Variants in ARID5B observed in about 807,000 individuals in gnomAD.
ARID5B encodes the protein AT-rich interaction domain 5B.
A neutral mutation model predicts 97.2 loss-of-function variants in ARID5B; 13 were observed. The ratio of observed to expected loss-of-function variants is 0.13; its 90% confidence interval spans 0.09 to 0.21. The LOEUF (loss-of-function observed/expected upper bound fraction) is 0.21. Among genes scored for constraint, ARID5B ranks in the 10% least tolerant of loss-of-function variants. ARID5B has a pLI of 1.00. For synonymous variants in ARID5B, 556 were observed against 570.3 expected (o/e 0.97, Z 0.36); for missense variants, 1,210 against 1,465.3 (o/e 0.83, Z 2.84).
At chr10:61,938,926 A>C (rs1002317552) in intron 2 of ARID5B, among the ~76,000 whole-genome samples, 1 of 148,376 alleles carries the variant, frequency 6.7e-6, no homozygotes, top group Non-Finnish European at 1.5e-5. Context: ...TATTATGTGA[A>C]GCTTACCCTA....
chr10:62,095,386 G>A lies in ARID5B; in HGVS notation c.*2356G>A, dbSNP rs766187181. On this transcript the variant is annotated 3_prime_UTR_variant, in exon 10 of 10. Coordinates refer to ENST00000279873, the MANE Select transcript of ARID5B (RefSeq NM_032199.3). Reference sequence around the variant, plus strand: ...GTTCGTGTCTCAAAAAAAAAAGGAGGGGGGGCATCTGTCCCCGGTGGAGCT... The same window carrying A: ...GTTCGTGTCTCAAAAAAAAAAGGAGAGGGGGCATCTGTCCCCGGTGGAGCT... 1.7e-5 allele frequency: 4 copies of A among 232,968 alleles called. No homozygotes were observed. In the East Asian group the frequency reaches 1.8e-4, roughly 11 times the overall value. The allele number at this position is 232,968 out of a possible 1,614,324, so 14.4% of individuals were successfully genotyped here.
intron 2 of ARID5B, among the ~76,000 whole-genome samples, chr10:61,917,247 G>T (rs1168672423): frequency 6.6e-6 from 1 of 151,968 alleles, no homozygotes; most frequent in East Asian, 1.9e-4. Context: ...GTCAGTCTGA[G>T]ATATTGACAA....
At position 62,038,371 on chromosome 10, in the gene ARID5B, A is replaced by T. The variant is rs183655042; in HGVS notation, c.734-12517A>T. Among the ~76,000 whole-genome samples, 1,315 of 142,096 alleles carry T rather than the reference A, an allele frequency of 9.3e-3. 21 individuals are homozygous for T. Among genetic ancestry groups the T allele is most frequent in the African/African-American group, 0.032 (1,252 of 39,370 alleles). 93.2% of individuals were successfully genotyped at this position (142,096 alleles called of 152,430 possible). A position where few individuals can be genotyped will look rare whatever the true frequency, so the allele number is the denominator to read the frequency against. ...GTCAGAAACAAACTGTTCCTTATTT[A>T]AAAAAAAAAAAAGAAAAGAAAAAAA... On this transcript the variant is annotated intron_variant, in intron 4 of 9. Coordinates refer to ENST00000279873, the MANE Select transcript of ARID5B (RefSeq NM_032199.3).
At chr10:62,028,478 G>A (rs576897941) in intron 4 of ARID5B, among the ~76,000 whole-genome samples, 71 of 152,252 alleles carry the variant, frequency 4.7e-4, no homozygotes, top group African/African-American at 1.6e-3. Flanking sequence ...GGCAGGGGAC[G>A]CAGCAACAAG....
chr10:62,091,359 G>T lies in ARID5B; in HGVS notation c.1896G>T (p.Gln632His). 2 of 1,614,180 alleles carry T rather than the reference G, an allele frequency of 1.2e-6. No individual in the cohort carries two copies. The highest frequency in any genetic ancestry group is 2.2e-5 in the South Asian group (2 of 91,080). ...CCAACTGCACCGTGAAGGTGGACCA[G>T]CTGGGCAGTGACGACATCCACAATG... Reference protein sequence around the residue: ...YIANCTVKVDQLGSDDIHNAL... With the variant: ...YIANCTVKVDHLGSDDIHNAL... Residue 632 changes from glutamine to histidine, a missense_variant, in exon 10 of 10, where the codon CAG becomes CAT. Physicochemically the swap from Gln to His is conservative, Grantham distance 24. This residue lies in a region of ARID5B where 800 missense variants were observed against 839.1 expected (regional missense o/e 0.95). Coordinates refer to ENST00000279873, the MANE Select transcript of ARID5B (RefSeq NM_032199.3).
chr10:62,009,284 ACT>A (rs1352801796), intron 4 of ARID5B, among the ~76,000 whole-genome samples: 7 of 152,192 alleles, frequency 4.6e-5, no homozygotes, highest in African/African-American at 1.7e-4. Flanking sequence ...TAAGGAACAC[ACT>A]GTGTTCAGCA....
chr10:61,954,209 T>A (rs369787960), intron 3 of ARID5B, among the ~76,000 whole-genome samples: 2 of 151,110 alleles, frequency 1.3e-5, no homozygotes, highest in Non-Finnish European at 1.5e-5. Flanking sequence ...AATACAAAAT[T>A]AGCCAGGCAT....
chr10:61,954,364 T>A lies in ARID5B; in HGVS notation c.502+13956T>A, dbSNP rs372331313. On this transcript the variant is annotated intron_variant, in intron 3 of 9. Transcript: ENST00000279873. Reference sequence around the variant, plus strand: ...AAGAGGGAAACTGCATCTCAAAAAATAAATAAATAAATAAATAAAAATAAA... The same window carrying A: ...AAGAGGGAAACTGCATCTCAAAAAAAAAATAAATAAATAAATAAAAATAAA... Among the ~76,000 whole-genome samples, 13 of 151,220 alleles carry A rather than the reference T, an allele frequency of 8.6e-5. No individual in the cohort carries two copies. The East Asian group carries it at 1.9e-3, about 23-fold the overall frequency.
rs796477492 is a variant in ARID5B at position 62,015,197 on chromosome 10, G to A, written c.733+14876G>A. 1.9e-3 allele frequency among the ~76,000 whole-genome samples: 293 copies of A among 152,286 alleles called. 1 individual carries two copies. The highest frequency in any genetic ancestry group is 6.7e-3 in the African/African-American group (280 of 41,556). On this transcript the variant is annotated intron_variant, in intron 4 of 9. Transcript: ENST00000279873. ...GTGTTAGTAGGATAAATACTTCAGCGAAAGGCTTATTGAAGCCAAATTTTT... is the reference window on the plus strand; with the variant it reads ...GTGTTAGTAGGATAAATACTTCAGCAAAAGGCTTATTGAAGCCAAATTTTT...
chr10:61,902,399 A>G lies in ARID5B; in HGVS notation c.262A>G (p.Ser88Gly). 6.2e-7 allele frequency: 1 copy of G among 1,614,098 alleles called. No homozygotes were observed. Among genetic ancestry groups the G allele is most frequent in the Middle Eastern group, 1.6e-4 (1 of 6,062 alleles). ...AGAAGACACTCCCCAGGGCAGAAAT[A>G]GCGACCATGGCGAGGTGGTAAACCT... Reference protein sequence around the residue: ...LPEDTPQGRNSDHGEDEVIAV... With the variant: ...LPEDTPQGRNGDHGEDEVIAV... The change falls in exon 2 of 10, where the codon AGC becomes GGC. Residue 88 changes from serine to glycine, a missense_variant. Physicochemically the swap from Ser to Gly is moderately conservative, Grantham distance 56 (BLOSUM62 0). Around this residue, in one of 8 missense-constraint regions of ARID5B, gnomAD observed 80 missense variants for 133.2 expected, o/e 0.60. Coordinates refer to ENST00000279873, the MANE Select transcript of ARID5B (RefSeq NM_032199.3).
chr10:62,049,209 G>C, intron 4 of ARID5B: 1 of 1,349,134 alleles, frequency 7.4e-7, no homozygotes, highest in South Asian at 1.7e-5. Context: ...GGTGGAGAGA[G>C]CAGAGCCCTC....
intron 3 of ARID5B, among the ~76,000 whole-genome samples, chr10:61,962,697 A>C (rs957124005): frequency 1.3e-5 from 2 of 152,242 alleles, no homozygotes; most frequent in Non-Finnish European, 2.9e-5. Flanking sequence ...TGAATCATTA[A>C]AAGAATAGAG....
intron 4 of ARID5B, among the ~76,000 whole-genome samples, chr10:62,043,936 A>G (rs925525042): frequency 2.6e-5 from 4 of 152,216 alleles, no homozygotes; most frequent in Non-Finnish European, 5.9e-5. Context: ...ATCCAGGTAT[A>G]GCAAAGGCAG....
intron 4 of ARID5B, among the ~76,000 whole-genome samples, chr10:62,031,596 C>T (rs1839497895): frequency 6.6e-6 from 1 of 152,140 alleles, no homozygotes. Flanking sequence ...TCACAGTCAG[C>T]TTATTTGAAA....
intron 4 of ARID5B, among the ~76,000 whole-genome samples, chr10:62,032,063 G>T (rs1839503640): frequency 1.3e-5 from 2 of 152,146 alleles, no homozygotes; most frequent in South Asian, 4.1e-4. Flanking sequence ...GCAGTGGTGT[G>T]TGCCTGTAGC....
At chr10:61,925,441 A>T (rs1844087294) in intron 2 of ARID5B, among the ~76,000 whole-genome samples, 1 of 152,156 alleles carries the variant, frequency 6.6e-6, no homozygotes, top group African/African-American at 2.4e-5. Flanking sequence ...GCAACCTGAA[A>T]GGAGTTAAAA....
At chr10:61,939,791 G>C (rs569045643) in intron 2 of ARID5B, among the ~76,000 whole-genome samples, 1 of 152,306 alleles carries the variant, frequency 6.6e-6, no homozygotes, top group African/African-American at 2.4e-5. Flanking sequence ...TTTATGTAGA[G>C]ACAGGCTCAC....
chr10:61,970,743 T>A (rs1410872795), intron 3 of ARID5B, among the ~76,000 whole-genome samples: 1 of 152,164 alleles, frequency 6.6e-6, no homozygotes, highest in Non-Finnish European at 1.5e-5. Flanking sequence ...CCTTCCTAGT[T>A]TACAATGACC....
intron 5 of ARID5B, among the ~76,000 whole-genome samples, chr10:62,051,346 A>G (rs1417943674): frequency 6.6e-6 from 1 of 152,266 alleles, no homozygotes; most frequent in Non-Finnish European, 1.5e-5. Context: ...TGTGTCAAAA[A>G]TAGACCAGCT....
Sources: allele counts gnomAD v4.1 joint callset (sites outside exome capture counted in the v4.1 genomes callset), GRCh38; gene constraint gnomAD v4.1.1; regional missense constraint gnomAD v4.1.1; transcripts MANE v1.5; gene names NCBI Gene and HGNC (gene_info 2026-07-23, HGNC 2026-07-21).